BCL7A: variants seen among roughly 807,000 people sequenced by gnomAD.
The protein encoded by BCL7A is BAF chromatin remodeling complex subunit BCL7A.
Under a neutral mutation model 28.4 loss-of-function variants are expected in BCL7A, and 11 were observed. The ratio of observed to expected loss-of-function variants is 0.39; its 90% confidence interval spans 0.24 to 0.64. BCL7A has a LOEUF of 0.64. Ranked by LOEUF, BCL7A falls within the 30% of genes least tolerant of loss-of-function variation. BCL7A has a pLI of 0.50. For missense variants in BCL7A, 222 were observed against 274.8 expected, an observed-to-expected ratio of 0.81 and a Z score of 1.36; for synonymous variants, 123 against 103.3, an observed-to-expected ratio of 1.19 and a Z score of -1.15.
At chr12:122,053,676 A>C in intron 4 of BCL7A, among the ~76,000 whole-genome samples, 1 of 150,936 alleles carries the variant, frequency 6.6e-6, no homozygotes, top group East Asian at 2.0e-4. Flanking sequence ...GCCTCCTCCC[A>C]AGCTGCACCC....
rs548967905 is a variant in BCL7A at position 122,048,088 on chromosome 12, C to T, written c.439+4035C>T. 1.9e-3 allele frequency among the ~76,000 whole-genome samples: 294 copies of T among 151,528 alleles called. 1 individual carries two copies. The highest frequency in any genetic ancestry group is 6.6e-3 in the African/African-American group (272 of 41,320). ...CCGGCTAACTTTTTATTTTTAGTAG[C>T]GACAGGGTTTCTCCATGTTGGTCAG... On this transcript the variant is annotated intron_variant, in intron 4 of 5. Coordinates refer to ENST00000261822, the MANE Select transcript of BCL7A (RefSeq NM_001024808.3).
intron 1 of BCL7A, among the ~76,000 whole-genome samples, chr12:122,025,174 G>C (rs918446957): frequency 6.6e-6 from 1 of 152,150 alleles, no homozygotes; most frequent in African/African-American, 2.4e-5. Context: ...ACCCCAGGGC[G>C]ATGGTAGGAG....
At position 122,022,081 on chromosome 12, in the gene BCL7A, C is replaced by T. The variant is rs1303760760; in HGVS notation, c.-11C>T. The stretch of plus-strand genomic sequence containing the variant: ...GGCGCGCTCCCCAGCCTCCGTCTCC[C>T]CGCCGGAACCATGTCGGGCAGGTCG... On this transcript the variant is annotated 5_prime_UTR_variant, in exon 1 of 6. Transcript: ENST00000261822. 2 of 1,556,390 alleles carry T rather than the reference C, an allele frequency of 1.3e-6. No individual in the cohort carries two copies. The highest frequency in any genetic ancestry group is 1.7e-6 in the Non-Finnish European group (2 of 1,149,634).
chr12:122,023,835 C>G (rs536116749), intron 1 of BCL7A, among the ~76,000 whole-genome samples: 2 of 152,298 alleles, frequency 1.3e-5, no homozygotes, highest in East Asian at 1.9e-4. Flanking sequence ...TGCTCCCCTC[C>G]TTGCCTCAGC....
At chr12:122,036,514 G>A (rs200485028) in intron 3 of BCL7A, among the ~76,000 whole-genome samples, 1 of 152,120 alleles carries the variant, frequency 6.6e-6, no homozygotes, top group Admixed American at 6.6e-5. Context: ...TTTCTGTTTT[G>A]ACCTTTTTAT....
Position 122,038,431 on chromosome 12 carries a change from C to CAAAAAAAAAAAAAA in BCL7A, c.271+3019_271+3032dup, listed in dbSNP as rs56376395. ...TGGGCAAAGGAGCGAGACTCTGCCT[C>CAAAAAAAAAAAAAA]AAAAAAAAAAAAAAAAAAAAAAAAA... On this transcript the variant is annotated intron_variant, in intron 3 of 5. Transcript: ENST00000261822. 2.6e-3 allele frequency among the ~76,000 whole-genome samples: 86 copies of CAAAAAAAAAAAAAA among 33,552 alleles called. 8 individuals are homozygous for CAAAAAAAAAAAAAA. The highest frequency in any genetic ancestry group is 4.4e-3 in the East Asian group (4 of 904). 22.0% of individuals were successfully genotyped at this position (33,552 alleles called of 152,430 possible).
intron 1 of BCL7A, among the ~76,000 whole-genome samples, chr12:122,023,007 T>C (rs1883506506): frequency 6.6e-6 from 1 of 152,084 alleles, no homozygotes; most frequent in African/African-American, 2.4e-5. Context: ...CGGAGGGAGC[T>C]GTTGTTTTTG....
chr12:122,044,213 A>T (rs1349960784), intron 4 of BCL7A, 160 bp downstream of exon 4: 1 of 860,482 alleles, frequency 1.2e-6, no homozygotes, highest in African/African-American at 1.7e-5. Flanking sequence ...TGGGGGAATT[A>T]AAAAAATCAG....
At chr12:122,038,174 G>A (rs1156294835) in intron 3 of BCL7A, among the ~76,000 whole-genome samples, 1 of 151,962 alleles carries the variant, frequency 6.6e-6, no homozygotes, top group Non-Finnish European at 1.5e-5. Flanking sequence ...GCTCACGCCT[G>A]TAATCCCAGC....
chr12:122,058,049 C>A (rs970012736), intron 5 of BCL7A, among the ~76,000 whole-genome samples: 2 of 151,388 alleles, frequency 1.3e-5, no homozygotes, highest in Admixed American at 1.3e-4. Flanking sequence ...AAAAAAAAAT[C>A]ATCCGGGCAT....
At chr12:122,033,140 C>CTTT (rs36082754) in intron 2 of BCL7A, among the ~76,000 whole-genome samples, 5 of 141,452 alleles carry the variant, frequency 3.5e-5, no homozygotes, top group African/African-American at 1.3e-4. Flanking sequence ...ATAGAAGTCA[C>CTTT]TTTTTTTTTT....
intron 4 of BCL7A, among the ~76,000 whole-genome samples, chr12:122,048,719 A>C (rs1385451956): frequency 6.6e-6 from 1 of 151,872 alleles, no homozygotes; most frequent in African/African-American, 2.4e-5. Context: ...TCCCATCTCT[A>C]CAAAAAATAC....
rs1422905466 is a variant in BCL7A, at chr12:122,061,072, G to A, written c.*1909G>A. Reference sequence around the variant, plus strand: ...CCTACCTGATGCGGTTCCTCTCCACGCATCTCGAGGCGGCGTTACCTCCAG... The same window carrying A: ...CCTACCTGATGCGGTTCCTCTCCACACATCTCGAGGCGGCGTTACCTCCAG... On this transcript the variant is annotated 3_prime_UTR_variant, in exon 6 of 6. Transcript: ENST00000261822. 8.9e-6 allele frequency: 2 copies of A among 225,888 alleles called. No homozygotes were observed. Among genetic ancestry groups the A allele is most frequent in the South Asian group, 1.8e-4 (1 of 5,460 alleles). The allele number at this position is 225,888 out of a possible 1,614,324, so 14.0% of individuals were successfully genotyped here.
intron 3 of BCL7A, among the ~76,000 whole-genome samples, chr12:122,039,036 T>C (rs1883912517): frequency 6.6e-6 from 1 of 151,694 alleles, no homozygotes; most frequent in Non-Finnish European, 1.5e-5. Flanking sequence ...GTGGTTCGTA[T>C]CTATAGTCCC....
chr12:122,031,512 C>T (rs913274623), intron 2 of BCL7A, among the ~76,000 whole-genome samples: 1 of 152,254 alleles, frequency 6.6e-6, no homozygotes, highest in Non-Finnish European at 1.5e-5. Context: ...ATTTTTCCTA[C>T]TCAGCCTGTG....
intron 2 of BCL7A, among the ~76,000 whole-genome samples, chr12:122,033,231 G>A (rs1883779325): frequency 6.6e-6 from 1 of 151,766 alleles, no homozygotes; most frequent in South Asian, 2.1e-4. Context: ...GACCTCCTGG[G>A]CTCAAGCAAT....
intron 3 of BCL7A, among the ~76,000 whole-genome samples, chr12:122,042,355 A>T (rs1178958357): frequency 6.6e-6 from 1 of 152,088 alleles, no homozygotes; most frequent in African/African-American, 2.4e-5. Flanking sequence ...ATTCACATAT[A>T]AAAAATACAC....
intron 4 of BCL7A, among the ~76,000 whole-genome samples, chr12:122,049,217 C>T (rs1884142036): frequency 1.5e-5 from 2 of 129,376 alleles, no homozygotes; most frequent in Middle Eastern, 7.6e-3. Context: ...CAGAGCATGA[C>T]CCTGTCTTAA....
intron 3 of BCL7A, among the ~76,000 whole-genome samples, chr12:122,040,394 A>ATGG (rs1199856345): frequency 1.3e-5 from 2 of 151,766 alleles, no homozygotes; most frequent in Non-Finnish European, 2.9e-5. Flanking sequence ...TTAGCCGGGC[A>ATGG]TGGTGGTGGG....
Sources: allele counts gnomAD v4.1 joint callset (sites outside exome capture counted in the v4.1 genomes callset), GRCh38; gene constraint gnomAD v4.1.1; transcripts MANE v1.5; gene names NCBI Gene and HGNC (gene_info 2026-07-23, HGNC 2026-07-21).